FNDC3B: variants seen among roughly 807,000 people sequenced by gnomAD.
The protein encoded by FNDC3B is fibronectin type III domain-containing protein 3B.
A neutral mutation model predicts 151.5 loss-of-function variants in FNDC3B; 12 were observed. That is an observed-to-expected ratio of 0.08 (90% CI 0.05 to 0.13). The LOEUF (loss-of-function observed/expected upper bound fraction) is 0.13, where lower values mean the gene tolerates loss of function less well. Among genes scored for constraint, FNDC3B ranks in the 10% least tolerant of loss-of-function variants. The pLI is 1.00. For synonymous variants in FNDC3B, 528 were observed against 549.0 expected (o/e 0.96, Z 0.54); for missense variants, 1,214 against 1,505.3 (o/e 0.81, Z 3.20).
chr3:172,198,270 G>A (rs553441475), intron 3 of FNDC3B, among the ~76,000 whole-genome samples: 3 of 151,970 alleles, frequency 2.0e-5, no homozygotes, highest in African/African-American at 4.8e-5. Context: ...CAAGATCTGT[G>A]GGGGGGTACA....
intron 1 of FNDC3B, among the ~76,000 whole-genome samples, chr3:172,068,130 T>A (rs1237370484): frequency 6.6e-6 from 1 of 152,228 alleles, no homozygotes; most frequent in Non-Finnish European, 1.5e-5. Flanking sequence ...GATTCTATTT[T>A]GTCTTATACA....
At chr3:172,330,423 T>C in intron 12 of FNDC3B, 118 bp from the exon 13 acceptor site, 1 of 820,820 alleles carries the variant, frequency 1.2e-6, no homozygotes, top group Non-Finnish European at 1.9e-6. Context: ...CTTACCTGGC[T>C]TTGCTTACTC....
chr3:172,389,333 T>G (rs1479357332), intron 25 of FNDC3B, among the ~76,000 whole-genome samples: 1 of 152,180 alleles, frequency 6.6e-6, no homozygotes, highest in Non-Finnish European at 1.5e-5. Context: ...TAAAAAAATC[T>G]TCACTGAGAT....
intron 16 of FNDC3B, among the ~76,000 whole-genome samples, chr3:172,339,482 G>A (rs1468221892): frequency 6.6e-6 from 1 of 152,110 alleles, no homozygotes; most frequent in East Asian, 1.9e-4. Flanking sequence ...AGAGTCGTTG[G>A]AACCCAGGAG....
chr3:172,200,688 A>G (rs141042292), intron 3 of FNDC3B, among the ~76,000 whole-genome samples: 2 of 152,360 alleles, frequency 1.3e-5, no homozygotes, highest in East Asian at 1.9e-4. Flanking sequence ...GATATTTGCA[A>G]CTTATGCTGG....
At chr3:172,216,951 G>A (rs1726010436) in intron 3 of FNDC3B, among the ~76,000 whole-genome samples, 1 of 152,114 alleles carries the variant, frequency 6.6e-6, no homozygotes, top group Non-Finnish European at 1.5e-5. Context: ...AAATGCTCAT[G>A]CTGCTTGAGT....
chr3:172,133,997 C>G (rs982075429), intron 3 of FNDC3B, among the ~76,000 whole-genome samples: 12 of 152,202 alleles, frequency 7.9e-5, no homozygotes, highest in African/African-American at 2.4e-4. Context: ...TATGAAAGGG[C>G]GTGAATACCA....
chr3:172,040,954 C>G lies in FNDC3B; in HGVS notation c.-29+1183C>G, dbSNP rs1307490030. 6.6e-6 allele frequency among the ~76,000 whole-genome samples: 1 copy of G among 152,218 alleles called. No homozygotes were observed. The highest frequency in any genetic ancestry group is 1.5e-5 in the Non-Finnish European group (1 of 68,028). On this transcript the variant is annotated intron_variant, in intron 1 of 25. Coordinates refer to ENST00000415807, the MANE Select transcript of FNDC3B (RefSeq NM_022763.4). This position sits in a 1 kb window ranked among gnomAD's most constrained non-coding sequence, Gnocchi z 6.6. ...CGGTCGGAGTTGGAGCTTTTGGAAT[C>G]TCAGCTCCCACCCTGCCATCCCAGA... is the stretch of plus-strand genomic sequence containing the variant.
At position 172,129,069 on chromosome 3, in the gene FNDC3B, C is replaced by T. The variant is rs554120999; in HGVS notation, c.112-4402C>T. ...CTACAGCCTCGACCTCCTGGGCTCACGCGATCCTCCTGCCTCACCCTCCTG... is the reference window on the plus strand; with the variant it reads ...CTACAGCCTCGACCTCCTGGGCTCATGCGATCCTCCTGCCTCACCCTCCTG... On this transcript the variant is annotated intron_variant, in intron 2 of 25. Transcript: ENST00000415807. 1.8e-4 allele frequency among the ~76,000 whole-genome samples: 27 copies of T among 152,258 alleles called. No homozygotes were observed. The East Asian group carries it at 5.2e-3, about 29-fold the overall frequency.
chr3:172,078,670 A>C (rs757445611), intron 1 of FNDC3B, among the ~76,000 whole-genome samples: 5 of 152,216 alleles, frequency 3.3e-5, no homozygotes, highest in Non-Finnish European at 7.3e-5. Flanking sequence ...CTGAAACATT[A>C]AGGTTGCTGT....
intron 1 of FNDC3B, among the ~76,000 whole-genome samples, chr3:172,097,293 G>T (rs557469141): frequency 1.2e-4 from 18 of 152,294 alleles, no homozygotes; most frequent in African/African-American, 4.3e-4. Context: ...CAGCAAACAT[G>T]ACCTTAGGGC....
intron 1 of FNDC3B, among the ~76,000 whole-genome samples, chr3:172,069,207 C>CTAGT (rs1387121197): frequency 6.6e-6 from 1 of 152,194 alleles, no homozygotes; most frequent in Non-Finnish European, 1.5e-5. Flanking sequence ...GCAGGTCACT[C>CTAGT]TAGTACCTGT....
chr3:172,086,498 A>C (rs899238641), intron 1 of FNDC3B, among the ~76,000 whole-genome samples: 3 of 152,212 alleles, frequency 2.0e-5, no homozygotes, highest in African/African-American at 4.8e-5. Flanking sequence ...ATATGGATAA[A>C]TTAGATTGTA....
At chr3:172,325,969 G>A (rs765501790) in intron 11 of FNDC3B, among the ~76,000 whole-genome samples, 4 of 152,094 alleles carry the variant, frequency 2.6e-5, no homozygotes. Context: ...GATTACAGGC[G>A]TCTACCACCA....
intron 23 of FNDC3B, among the ~76,000 whole-genome samples, chr3:172,373,378 T>A (rs1170941768): frequency 6.6e-6 from 1 of 152,182 alleles, no homozygotes; most frequent in Non-Finnish European, 1.5e-5. Context: ...GGGCCTGTGG[T>A]GCATAAGCAG....
At chr3:172,281,450 G>T (rs1284139374) in intron 6 of FNDC3B, among the ~76,000 whole-genome samples, 2 of 152,062 alleles carry the variant, frequency 1.3e-5, no homozygotes, top group Non-Finnish European at 2.9e-5. Flanking sequence ...TGTAGAAAAT[G>T]GTTTTCATGT....
chr3:172,361,806 A>G (rs1051697428), intron 22 of FNDC3B, among the ~76,000 whole-genome samples: 31 of 152,202 alleles, frequency 2.0e-4, no homozygotes, highest in African/African-American at 7.5e-4. Flanking sequence ...CCTCCCAAGT[A>G]CTGGGACCAC....
At chr3:172,068,391 C>A (rs75531326) in intron 1 of FNDC3B, among the ~76,000 whole-genome samples, 3,426 of 149,732 alleles carry the variant, frequency 0.023, 133 homozygotes, top group African/African-American at 0.08. Flanking sequence ...TTCTGAACTG[C>A]TGAGCAAGTA....
intron 3 of FNDC3B, among the ~76,000 whole-genome samples, chr3:172,138,419 G>A (rs1721474868): frequency 1.3e-5 from 2 of 152,030 alleles, no homozygotes; most frequent in Admixed American, 6.5e-5. Context: ...AGTTTAAAGA[G>A]GTTTAGTTAC....
Sources: allele counts gnomAD v4.1 joint callset (sites outside exome capture counted in the v4.1 genomes callset), GRCh38; gene constraint gnomAD v4.1.1; non-coding constraint Gnocchi (gnomAD v3.1); transcripts MANE v1.5; gene names NCBI Gene and HGNC (gene_info 2026-07-23, HGNC 2026-07-21).